The following RANBP2 variants were observed in gnomAD, a reference collection of about 807,000 sequenced individuals.
RANBP2 encodes E3 SUMO-protein ligase RanBP2.
RANBP2 carries 57 observed loss-of-function variants against 303.6 expected under a neutral mutation model. The ratio of observed to expected loss-of-function variants is 0.19; its 90% CI spans 0.15 to 0.23. RANBP2 has a LOEUF of 0.23. RANBP2 is among the 10% of genes least tolerant of loss of function. The pLI is 1.00. For missense variants in RANBP2, 3,138 were observed against 3,780.8 expected, an observed-to-expected ratio of 0.83 and a Z score of 4.46; for synonymous variants, 1,167 against 1,301.5, an observed-to-expected ratio of 0.90 and a Z score of 2.23.
chr2:109,642,440 C>T, the RANBP2 span, among the ~76,000 whole-genome samples: 1 of 152,158 alleles, frequency 6.6e-6, no homozygotes, highest in Non-Finnish European at 1.5e-5. Context: ...ATAGGAAAGT[C>T]ATGTGCACAT....
chr2:109,653,408 A>AT, the RANBP2 span, among the ~76,000 whole-genome samples: 2 of 148,002 alleles, frequency 1.4e-5, no homozygotes, highest in South Asian at 4.4e-4. Context: ...AAAAAAAAAA[A>AT]GTGACTGTGA....
the RANBP2 span, chr2:109,371,688 C>A: frequency 6.2e-7 from 1 of 1,612,396 alleles, no homozygotes; most frequent in Non-Finnish European, 8.5e-7. Flanking sequence ...GGAGGTAAGA[C>A]CGTGCCGCCC....
the RANBP2 span, among the ~76,000 whole-genome samples, chr2:109,079,919 G>A: frequency 7.0e-4 from 106 of 152,324 alleles, 1 homozygote; most frequent in African/African-American, 2.4e-3. Flanking sequence ...GGGGCTACAC[G>A]GCCATGGGTG....
chr2:109,334,560 G>A, the RANBP2 span, among the ~76,000 whole-genome samples: 1,497 of 152,142 alleles, frequency 9.8e-3, 12 homozygotes, highest in Non-Finnish European at 0.017. Flanking sequence ...ACCCTCACCC[G>A]CTCCGGGGAT....
the RANBP2 span, among the ~76,000 whole-genome samples, chr2:109,586,103 G>GA: frequency 1.3e-5 from 2 of 151,902 alleles, no homozygotes; most frequent in Non-Finnish European, 2.9e-5. Context: ...TCCAAAATAG[G>GA]AAAATATCCA....
At chr2:109,227,284 C>G in the RANBP2 span, among the ~76,000 whole-genome samples, 1 of 152,126 alleles carries the variant, frequency 6.6e-6, no homozygotes, top group African/African-American at 2.4e-5. Context: ...CTAGAAGAAG[C>G]TCTGTGAATG....
the RANBP2 span, among the ~76,000 whole-genome samples, chr2:109,114,723 T>C: frequency 2.6e-5 from 4 of 152,072 alleles, no homozygotes; most frequent in African/African-American, 9.6e-5. Flanking sequence ...AATTGTGATG[T>C]TAGGGTGTCA....
chr2:109,512,086 C>G, the RANBP2 span, among the ~76,000 whole-genome samples: 1 of 152,184 alleles, frequency 6.6e-6, no homozygotes, highest in Non-Finnish European at 1.5e-5. Flanking sequence ...CTCTACAACT[C>G]TAGTGGGGGC....
At chr2:109,556,638 CT>C in the RANBP2 span, among the ~76,000 whole-genome samples, 10 of 151,068 alleles carry the variant, frequency 6.6e-5, no homozygotes, top group African/African-American at 9.7e-5. Context: ...AGTATCAGGC[CT>C]TTTTTTTTCT....
chr2:108,831,162 G>C, the RANBP2 span, among the ~76,000 whole-genome samples: 1 of 151,758 alleles, frequency 6.6e-6, no homozygotes, highest in Non-Finnish European at 1.5e-5. Context: ...CTGAGTTATA[G>C]AGCGGGACTC....
the RANBP2 span, among the ~76,000 whole-genome samples, chr2:109,514,295 T>C: frequency 6.6e-6 from 1 of 152,156 alleles, no homozygotes; most frequent in Non-Finnish European, 1.5e-5. Flanking sequence ...AATACGGAGT[T>C]TCTGCTGTGG....
At chr2:108,824,378 C>A in the RANBP2 span, among the ~76,000 whole-genome samples, 1 of 151,836 alleles carries the variant, frequency 6.6e-6, no homozygotes, top group Non-Finnish European at 1.5e-5. Context: ...TTTTTACTTT[C>A]TCGACTATTC....
At chr2:109,408,924 T>A in the RANBP2 span, among the ~76,000 whole-genome samples, 1 of 152,192 alleles carries the variant, frequency 6.6e-6, no homozygotes, top group Non-Finnish European at 1.5e-5. Flanking sequence ...AGGAAGGCCA[T>A]GAGCGGAGGC....
At chr2:109,676,558 A>G in the RANBP2 span, among the ~76,000 whole-genome samples, 1 of 152,224 alleles carries the variant, frequency 6.6e-6, no homozygotes, top group East Asian at 1.9e-4. Flanking sequence ...GAGCAGACAC[A>G]GGGAAGCTGG....
At chr2:109,434,007 G>T in the RANBP2 span, among the ~76,000 whole-genome samples, 4 of 152,196 alleles carry the variant, frequency 2.6e-5, no homozygotes, top group African/African-American at 4.8e-5. Context: ...CCCGAAGAAG[G>T]TCTCTGGTCT....
chr2:108,907,004 T>G, the RANBP2 span, among the ~76,000 whole-genome samples: 1 of 152,228 alleles, frequency 6.6e-6, no homozygotes, highest in African/African-American at 2.4e-5. Context: ...GGCTGGGGCC[T>G]GCAGCCAGGG....
chr2:109,623,907 C>G, the RANBP2 span, among the ~76,000 whole-genome samples: 2 of 152,180 alleles, frequency 1.3e-5, 1 homozygote, highest in South Asian at 4.1e-4. Flanking sequence ...GGGGTCTGGA[C>G]AGCCAAGAGG....
chr2:109,419,499 C>A, the RANBP2 span: 1 of 1,544,250 alleles, frequency 6.5e-7, no homozygotes, highest in South Asian at 1.2e-5. Flanking sequence ...TGGATGGAGT[C>A]TCTGTCTCCT....
chr2:109,379,483 C>T, the RANBP2 span, among the ~76,000 whole-genome samples: 1 of 152,194 alleles, frequency 6.6e-6, no homozygotes, highest in Non-Finnish European at 1.5e-5. Context: ...ACAGATGTGG[C>T]CGCTGCTTCT....
Sources: gnomAD v4.1 joint callset for allele counts (sites outside exome capture counted in the v4.1 genomes callset) on GRCh38, gnomAD v4.1.1 for gene constraint, MANE v1.5 for transcripts, NCBI Gene and HGNC (gene_info 2026-07-23, HGNC 2026-07-21) for gene names.